The following MAP4K4 variants were observed in gnomAD, a reference collection of about 807,000 sequenced individuals.
MAP4K4 encodes the protein mitogen-activated protein kinase kinase kinase kinase 4.
In MAP4K4, 38 loss-of-function variants were observed where a neutral mutation model predicts 189.6. The ratio of observed to expected loss-of-function variants is 0.20; its 90% CI spans 0.15 to 0.26. The LOEUF is 0.26. Among genes scored for constraint, MAP4K4 ranks in the 10% least tolerant of loss-of-function variants. The probability of loss-of-function intolerance (pLI) is 1.00; values close to 1 mark genes in which losing one functional copy is unlikely to be tolerated. For missense variants in MAP4K4, 1,054 were observed against 1,726.9 expected, an observed-to-expected ratio of 0.61 and a Z score of 6.91; for synonymous variants, 610 against 624.3, an observed-to-expected ratio of 0.98 and a Z score of 0.34.
At chr2:101,729,101 A>AGT (rs57635166) in intron 2 of MAP4K4, among the ~76,000 whole-genome samples, 2,347 of 130,534 alleles carry the variant, frequency 0.018, 80 homozygotes, top group African/African-American at 0.058. Flanking sequence ...AGAGAGAGAG[A>AGT]GTGTGTGTGT....
At chr2:101,727,062 C>A (rs573471284) in intron 2 of MAP4K4, among the ~76,000 whole-genome samples, 2 of 152,254 alleles carry the variant, frequency 1.3e-5, no homozygotes, top group African/African-American at 4.8e-5. Flanking sequence ...AATGGATGAA[C>A]CCATTTATGA....
At chr2:101,783,684 C>G (rs2148659336) in intron 2 of MAP4K4, among the ~76,000 whole-genome samples, 1 of 152,260 alleles carries the variant, frequency 6.6e-6, no homozygotes, top group Non-Finnish European at 1.5e-5. Flanking sequence ...ATTAACACTC[C>G]CAAGCCAACA....
intron 12 of MAP4K4, among the ~76,000 whole-genome samples, chr2:101,846,543 T>TGGTGAAGGTGAGCGATGGTAGAA (rs1009448170): frequency 6.6e-6 from 1 of 152,018 alleles, no homozygotes. Context: ...ATGTGGTAGG[T>TGGTGAAGGTGAGCGATGGTAGAA]GGTGAAGGTG....
intron 26 of MAP4K4, among the ~76,000 whole-genome samples, chr2:101,876,439 A>G (rs1015032500): frequency 3.9e-5 from 6 of 152,246 alleles, no homozygotes; most frequent in Non-Finnish European, 8.8e-5. Context: ...TGGAAGGACA[A>G]GAGAACTGAC....
In MAP4K4 at chr2:101,745,109, G is replaced by A. The variant is rs114993443; in HGVS notation, c.124-45611G>A. Among the ~76,000 whole-genome samples the A allele has an allele frequency of 3.1e-3, 468 of 152,256 alleles. 2 individuals are homozygous for A. The highest frequency in any genetic ancestry group is 0.011 in the African/African-American group (451 of 41,526). Reference sequence around the variant, plus strand: ...AGCTGAATATAGATAGAATGATGACGTTGGGACTTGATTTTTTGACAAGTA... The same window carrying A: ...AGCTGAATATAGATAGAATGATGACATTGGGACTTGATTTTTTGACAAGTA... On this transcript the variant is annotated intron_variant, in intron 2 of 32. Transcript: ENST00000324219.
chr2:101,809,022 T>C (rs1368410589), intron 3 of MAP4K4, among the ~76,000 whole-genome samples: 1 of 152,206 alleles, frequency 6.6e-6, no homozygotes, highest in Non-Finnish European at 1.5e-5. Context: ...TGTTTATATG[T>C]GTGGCTGCGT....
chr2:101,707,704 T>C (rs1460577951), intron 2 of MAP4K4, among the ~76,000 whole-genome samples: 1 of 148,844 alleles, frequency 6.7e-6, no homozygotes, highest in Admixed American at 6.7e-5. Context: ...TTTTTTTTTT[T>C]TTTTGAGACG....
At chr2:101,829,126 A>G (rs1336818510) in intron 5 of MAP4K4, among the ~76,000 whole-genome samples, 1 of 152,202 alleles carries the variant, frequency 6.6e-6, no homozygotes, top group Non-Finnish European at 1.5e-5. Context: ...AGATGTGTCT[A>G]GTTCAAATAT....
At chr2:101,775,685 G>T (rs969526834) in intron 2 of MAP4K4, among the ~76,000 whole-genome samples, 1 of 152,170 alleles carries the variant, frequency 6.6e-6, no homozygotes. Flanking sequence ...TCAAATTCTC[G>T]AAGCCCAGGA....
chr2:101,715,413 A>G (rs1037474644), intron 2 of MAP4K4, among the ~76,000 whole-genome samples: 3 of 152,210 alleles, frequency 2.0e-5, no homozygotes, highest in African/African-American at 4.8e-5. Flanking sequence ...ACAATACTGT[A>G]AAGTTTTTCT....
At chr2:101,749,346 A>C (rs1558715324) in intron 2 of MAP4K4, among the ~76,000 whole-genome samples, 1 of 151,680 alleles carries the variant, frequency 6.6e-6, no homozygotes, top group Non-Finnish European at 1.5e-5. Context: ...AGCCCTCAGA[A>C]ATAACGCTGC....
intron 9 of MAP4K4, among the ~76,000 whole-genome samples, chr2:101,836,505 T>C (rs966647721): frequency 6.6e-6 from 1 of 151,814 alleles, no homozygotes; most frequent in East Asian, 1.9e-4. Flanking sequence ...GGAGAATCGC[T>C]GGAACCCAGA....
Position 101,869,808 on chromosome 2 carries a change from G to A in MAP4K4, c.2639+11G>A, listed in dbSNP as rs368459291. ...GGACACCAGAGCAGCGTCAGTCCCC[G>A]GTCTCTTTTAGAGCGGATGAGAGTA... On this transcript the variant is annotated intron_variant, in intron 22 of 32. Coordinates refer to ENST00000324219, the Ensembl canonical transcript of MAP4K4. The A allele has an allele frequency of 1.6e-5, 24 of 1,534,220 alleles. No individual in the cohort carries two copies. The highest frequency in any genetic ancestry group is 5.5e-5 in the African/African-American group (4 of 72,642).
At chr2:101,825,117 A>AG (rs2096287892) in intron 4 of MAP4K4, among the ~76,000 whole-genome samples, 1 of 152,242 alleles carries the variant, frequency 6.6e-6, no homozygotes, top group Non-Finnish European at 1.5e-5. Flanking sequence ...AGACACTGTC[A>AG]GTCTTCTGGA....
At chr2:101,877,334 G>T (rs565240389) in intron 27 of MAP4K4, among the ~76,000 whole-genome samples, 188 bp downstream of exon 27, 1 of 152,128 alleles carries the variant, frequency 6.6e-6, no homozygotes, top group African/African-American at 2.4e-5. Flanking sequence ...TTGATCTCTG[G>T]CTCCTCCGAA....
intron 3 of MAP4K4, among the ~76,000 whole-genome samples, chr2:101,795,497 TG>T (rs2093592461): frequency 6.6e-6 from 1 of 152,196 alleles, no homozygotes; most frequent in African/African-American, 2.4e-5. Flanking sequence ...GCCTTTGACA[TG>T]AACCCAATGG....
chr2:101,740,151 C>CTTTTTTTT lies in MAP4K4; in HGVS notation c.123+41626_123+41633dup, dbSNP rs71250687. Among the ~76,000 whole-genome samples the CTTTTTTTT allele has an allele frequency of 3.0e-4, 26 of 87,192 alleles. 5 individuals carry two copies. Among genetic ancestry groups the CTTTTTTTT allele is most frequent in the African/African-American group, 2.1e-3 (23 of 10,786 alleles). The allele number at this position is 87,192 out of a possible 152,430, so 57.2% of individuals were successfully genotyped here. On this transcript the variant is annotated intron_variant, in intron 2 of 32. Transcript: ENST00000324219. ...TGGCTTCAAAGTTGCTTTATATCAT[C>CTTTTTTTT]TTTTTTTTTTTTTTTTTTTTGAGAC...
chr2:101,737,696 G>T (rs1313161343), intron 2 of MAP4K4, among the ~76,000 whole-genome samples: 1 of 151,424 alleles, frequency 6.6e-6, no homozygotes, highest in African/African-American at 2.4e-5. Context: ...TCAAGGCTGG[G>T]ATTCTATGTC....
intron 27 of MAP4K4, among the ~76,000 whole-genome samples, chr2:101,879,125 A>G (rs2098299442): frequency 6.9e-6 from 1 of 145,212 alleles, no homozygotes; most frequent in African/African-American, 2.5e-5. Context: ...TGCCTGGGAT[A>G]TCGAGGCTGC....
Sources: gnomAD v4.1 joint callset for allele counts (sites outside exome capture counted in the v4.1 genomes callset) on GRCh38, gnomAD v4.1.1 for gene constraint, MANE v1.5 for transcripts, NCBI Gene and HGNC (gene_info 2026-07-23, HGNC 2026-07-21) for gene names.